The following GRIP1 variants were observed in gnomAD, a reference collection of about 807,000 sequenced individuals.
GRIP1 encodes the protein glutamate receptor-interacting protein 1.
Under a neutral mutation model 129.9 loss-of-function variants are expected in GRIP1, and 45 were observed. The observed-to-expected ratio is 0.35, with a 90% CI of 0.27 to 0.44. The LOEUF (loss-of-function observed/expected upper bound fraction) is 0.44, where lower values mean the gene tolerates loss of function less well. GRIP1 is among the 20% of genes least tolerant of loss of function. The pLI, the probability that GRIP1 is intolerant of heterozygous loss-of-function variation, is 1.00. For missense variants in GRIP1, 1,196 were observed against 1,396.8 expected, an observed-to-expected ratio of 0.86 and a Z score of 2.29; for synonymous variants, 530 against 520.8, an observed-to-expected ratio of 1.02 and a Z score of -0.24.
At chr12:66,995,596 A>G (rs1008362409) in intron 1 of GRIP1, among the ~76,000 whole-genome samples, 1 of 152,194 alleles carries the variant, frequency 6.6e-6, no homozygotes, top group Non-Finnish European at 1.5e-5. Flanking sequence ...AAGATGCTTT[A>G]CATCATTATT....
intron 1 of GRIP1, among the ~76,000 whole-genome samples, chr12:67,051,439 T>C (rs958697501): frequency 6.6e-6 from 1 of 152,164 alleles, no homozygotes; most frequent in Admixed American, 6.5e-5. Flanking sequence ...GTAGCACCCA[T>C]GTAGATTGAT....
At chr12:66,428,211 T>C (rs916052202) in intron 14 of GRIP1, among the ~76,000 whole-genome samples, 2 of 152,308 alleles carry the variant, frequency 1.3e-5, no homozygotes, top group East Asian at 3.9e-4. Flanking sequence ...AAACTCTTAA[T>C]CATTCAGCTT....
intron 5 of GRIP1, among the ~76,000 whole-genome samples, chr12:66,523,097 A>G (rs145157066): frequency 0.017 from 2,565 of 151,824 alleles, 32 homozygotes; most frequent in Non-Finnish European, 0.029. Flanking sequence ...CAAGTGGGAA[A>G]ACACTCTGCA....
chr12:66,791,593 C>T (rs1156763744), intron 1 of GRIP1, among the ~76,000 whole-genome samples: 1 of 152,110 alleles, frequency 6.6e-6, no homozygotes, highest in Non-Finnish European at 1.5e-5. Context: ...GAAACAAATA[C>T]TTGAGGGGCC....
chr12:66,461,295 G>A (rs750749087), intron 9 of GRIP1, among the ~76,000 whole-genome samples: 25 of 152,146 alleles, frequency 1.6e-4, no homozygotes, highest in Admixed American at 6.5e-4. Flanking sequence ...TTTCCGATTC[G>A]CTGATACCAG....
At chr12:66,904,861 C>T (rs2040903791) in intron 1 of GRIP1, among the ~76,000 whole-genome samples, 1 of 150,586 alleles carries the variant, frequency 6.6e-6, no homozygotes, top group African/African-American at 2.4e-5. Flanking sequence ...CACTGCACTC[C>T]AGCCTGGTGA....
intron 1 of GRIP1, among the ~76,000 whole-genome samples, chr12:66,730,914 T>G (rs931726122): frequency 2.6e-5 from 4 of 152,158 alleles, no homozygotes; most frequent in African/African-American, 9.6e-5. Flanking sequence ...ATTCTATCAA[T>G]AGAATATTCT....
At chr12:67,058,448 G>A (rs2043474767) in intron 1 of GRIP1, among the ~76,000 whole-genome samples, 1 of 152,198 alleles carries the variant, frequency 6.6e-6, no homozygotes, top group Non-Finnish European at 1.5e-5. Flanking sequence ...AGTACATGTA[G>A]TGATCTATTC....
At chr12:66,904,117 T>C (rs182256878) in intron 1 of GRIP1, among the ~76,000 whole-genome samples, 2 of 152,360 alleles carry the variant, frequency 1.3e-5, no homozygotes, top group South Asian at 2.1e-4. Context: ...AGCAGGTTCA[T>C]ACCCTTTATA....
intron 1 of GRIP1, among the ~76,000 whole-genome samples, chr12:66,819,126 T>A (rs926442646): frequency 1.3e-5 from 2 of 152,226 alleles, no homozygotes; most frequent in Non-Finnish European, 2.9e-5. Flanking sequence ...CTTTGCCTGG[T>A]GACCTCAGTC....
chr12:66,434,318 G>A (rs1459496625), intron 13 of GRIP1, among the ~76,000 whole-genome samples: 6 of 152,140 alleles, frequency 3.9e-5, no homozygotes, highest in Non-Finnish European at 5.9e-5. Context: ...AGAGGGGAGT[G>A]AGGCAATCAG....
Position 66,596,893 on chromosome 12 carries a change from T to C in GRIP1, c.90A>G (p.Thr30=). The change falls in exon 2 of 25, where the codon ACA becomes ACG. Residue 30 remains threonine, a synonymous_variant. Coordinates refer to ENST00000359742, the MANE Select transcript of GRIP1 (RefSeq NM_001366722.1). ...CAGCCAACGCTCCATCAGGCGGCTT[T>C]GTCTGGCTGGCGGATTTAGTGTAGG... The part of the protein sequence containing the change: ...ESPYTKSASQ[T]KPPDGALAVR... The C allele has an allele frequency of 6.2e-7, 1 of 1,613,774 alleles. No individual in the cohort carries two copies. Among genetic ancestry groups the C allele is most frequent in the Non-Finnish European group, 8.5e-7 (1 of 1,179,632 alleles).
chr12:66,440,610 G>A (rs775367671), intron 13 of GRIP1, among the ~76,000 whole-genome samples: 1 of 152,110 alleles, frequency 6.6e-6, no homozygotes, highest in Non-Finnish European at 1.5e-5. Context: ...ATTCATAAGA[G>A]GTCTTCTACC....
chr12:66,605,886 C>T (rs959171249), intron 1 of GRIP1, among the ~76,000 whole-genome samples: 5 of 152,028 alleles, frequency 3.3e-5, no homozygotes, highest in Admixed American at 6.6e-5. Flanking sequence ...AATGAAAATG[C>T]CTCTATATCT....
chr12:66,751,201 T>C (rs1014859071), intron 1 of GRIP1, among the ~76,000 whole-genome samples: 1 of 152,168 alleles, frequency 6.6e-6, no homozygotes. Context: ...CAAAGTACTT[T>C]ACATTCCATC....
At chr12:66,941,759 C>A (rs545209583) in intron 1 of GRIP1, among the ~76,000 whole-genome samples, 1 of 152,132 alleles carries the variant, frequency 6.6e-6, no homozygotes, top group Admixed American at 6.5e-5. Context: ...AAAGGATGTA[C>A]AATTAAATGG....
At chr12:66,995,644 T>C (rs1403259244) in intron 1 of GRIP1, among the ~76,000 whole-genome samples, 1 of 152,278 alleles carries the variant, frequency 6.6e-6, no homozygotes, top group Non-Finnish European at 1.5e-5. Context: ...AATGAAGTAC[T>C]AGTTCACATC....
At position 66,444,675 on chromosome 12, in the gene GRIP1, T is replaced by C. The variant is rs1390778512; in HGVS notation, c.1596A>G (p.Thr532=). The C allele has an allele frequency of 6.2e-7, 1 of 1,614,070 alleles. No individual in the cohort carries two copies. The highest frequency in any genetic ancestry group is 8.5e-7 in the Non-Finnish European group (1 of 1,179,954). ...DRVMAINGIP[T]EDSTFEEASQ... is the part of the protein sequence containing the mutation. ...TGGCTTCTTCGAAGGTGCTGTCTTC[T>C]GTTGGAATTCCATTGATGGCCATCA... The change falls in exon 13 of 25, where the codon ACA becomes ACG. Residue 532 remains threonine, a synonymous_variant. Transcript: ENST00000359742.
At chr12:66,510,715 T>C (rs1354325327) in intron 7 of GRIP1, among the ~76,000 whole-genome samples, 1 of 152,212 alleles carries the variant, frequency 6.6e-6, no homozygotes, top group Non-Finnish European at 1.5e-5. Context: ...ATTTGAGATT[T>C]ACTGAATAAA....
Sources: allele counts gnomAD v4.1 joint callset (sites outside exome capture counted in the v4.1 genomes callset), GRCh38; gene constraint gnomAD v4.1.1; transcripts MANE v1.5; gene names NCBI Gene and HGNC (gene_info 2026-07-23, HGNC 2026-07-21).